GTF2A1L: variants seen among roughly 807,000 people sequenced by gnomAD.
GTF2A1L encodes the protein general transcription factor IIA subunit 1 like.
GTF2A1L carries 48 observed loss-of-function variants against 49.7 expected under a neutral mutation model. The observed-to-expected ratio is 0.97, with a 90% confidence interval of 0.77 to 1.23. The LOEUF (loss-of-function observed/expected upper bound fraction) is 1.23, where lower values mean the gene tolerates loss of function less well. Among genes scored for constraint, GTF2A1L ranks in the 50% most tolerant of loss-of-function variants. GTF2A1L has a pLI of 0.00. For missense variants in GTF2A1L, 736 were observed against 564.8 expected, an observed-to-expected ratio of 1.30 and a Z score of -3.07; for synonymous variants, 246 against 193.5, an observed-to-expected ratio of 1.27 and a Z score of -2.25.
chr2:48,641,108 C>G (rs1378596846), intron 3 of GTF2A1L, among the ~76,000 whole-genome samples: 3 of 152,086 alleles, frequency 2.0e-5, no homozygotes, highest in Non-Finnish European at 2.9e-5. Flanking sequence ...TCAAGGAATT[C>G]ATTTAATTGC....
intron 4 of GTF2A1L, among the ~76,000 whole-genome samples, chr2:48,643,557 T>C (rs560322540): frequency 6.6e-6 from 1 of 152,208 alleles, no homozygotes; most frequent in Admixed American, 6.5e-5. Context: ...ACAAATATTT[T>C]TTTTCCTGTT....
In GTF2A1L at chr2:48,654,904, T is replaced by C. The variant is rs116458389; in HGVS notation, c.978+7862T>C. 3.8e-3 allele frequency among the ~76,000 whole-genome samples: 583 copies of C among 152,340 alleles called. 3 individuals are homozygous for C. Among genetic ancestry groups the C allele is most frequent in the African/African-American group, 0.013 (532 of 41,580 alleles). On this transcript the variant is annotated intron_variant, in intron 6 of 8. Transcript: ENST00000403751. Reference sequence around the variant, plus strand: ...TGCTAGGACCACACTGTCTTGATTATGGTAAATTTATAGTAAATCAGAGAG... The same window carrying C: ...TGCTAGGACCACACTGTCTTGATTACGGTAAATTTATAGTAAATCAGAGAG...
At chr2:48,676,344 A>T in intron 8 of GTF2A1L, among the ~76,000 whole-genome samples, 1 of 151,834 alleles carries the variant, frequency 6.6e-6, no homozygotes, top group East Asian at 1.9e-4. Context: ...GTGTGCAGAT[A>T]TATCTATTAA....
intron 6 of GTF2A1L, among the ~76,000 whole-genome samples, chr2:48,667,078 C>T (rs945647250): frequency 2.0e-5 from 3 of 151,808 alleles, no homozygotes; most frequent in Non-Finnish European, 4.4e-5. Context: ...GATCTTCCTG[C>T]CTCCACCTCT....
intron 5 of GTF2A1L, among the ~76,000 whole-genome samples, chr2:48,645,556 T>A (rs1677446428): frequency 6.6e-6 from 1 of 152,210 alleles, no homozygotes; most frequent in Non-Finnish European, 1.5e-5. Flanking sequence ...CGGTTTCTGC[T>A]TTTCCGAGCA....
At chr2:48,637,230 C>T (rs1162706437) in intron 3 of GTF2A1L, among the ~76,000 whole-genome samples, 1 of 151,894 alleles carries the variant, frequency 6.6e-6, no homozygotes, top group East Asian at 1.9e-4. Flanking sequence ...TGGATTGGTT[C>T]AAAGAAGATC....
intron 8 of GTF2A1L, among the ~76,000 whole-genome samples, chr2:48,676,023 G>A (rs566994948): frequency 6.6e-6 from 1 of 151,904 alleles, no homozygotes; most frequent in African/African-American, 2.4e-5. Context: ...CTTTCTATTA[G>A]TAGCTCCTTT....
At chr2:48,656,879 A>G (rs1678210144) in intron 6 of GTF2A1L, among the ~76,000 whole-genome samples, 1 of 152,144 alleles carries the variant, frequency 6.6e-6, no homozygotes, top group South Asian at 2.1e-4. Flanking sequence ...CGTAGATGGT[A>G]TAAATTTAGG....
chr2:48,642,931 C>T (rs1433099312), intron 4 of GTF2A1L, among the ~76,000 whole-genome samples: 1 of 151,836 alleles, frequency 6.6e-6, no homozygotes, highest in Non-Finnish European at 1.5e-5. Flanking sequence ...TAATAAAACG[C>T]AGAAGTTCCA....
chr2:48,637,847 T>G (rs541159117), intron 3 of GTF2A1L, among the ~76,000 whole-genome samples: 1 of 151,438 alleles, frequency 6.6e-6, no homozygotes, highest in African/African-American at 2.4e-5. Context: ...CTGGCTAGAC[T>G]AATAAAGAGA....
chr2:48,637,553 C>T (rs1008774373), intron 3 of GTF2A1L, among the ~76,000 whole-genome samples: 1 of 151,816 alleles, frequency 6.6e-6, no homozygotes, highest in Non-Finnish European at 1.5e-5. Flanking sequence ...CGTAACATCA[C>T]AATTGAAAGA....
At chr2:48,632,201 A>C (rs866754997) in intron 3 of GTF2A1L, 10 of 152,190 alleles carry the variant, frequency 6.6e-5, no homozygotes, top group Admixed American at 6.6e-4. Flanking sequence ...CAGTCCCAGA[A>C]GTAATTCCCT....
At chr2:48,648,100 A>G (rs935649990) in intron 6 of GTF2A1L, among the ~76,000 whole-genome samples, 2 of 152,100 alleles carry the variant, frequency 1.3e-5, no homozygotes, top group Non-Finnish European at 2.9e-5. Flanking sequence ...AGAAAATGAC[A>G]ATCAGAAACT....
intron 6 of GTF2A1L, among the ~76,000 whole-genome samples, chr2:48,661,508 C>G (rs1265478679): frequency 6.6e-6 from 1 of 152,034 alleles, no homozygotes; most frequent in East Asian, 1.9e-4. Context: ...CCTGCCTCAG[C>G]TTACCAAAGT....
intron 8 of GTF2A1L, among the ~76,000 whole-genome samples, chr2:48,675,851 A>C (rs1026123742): frequency 6.6e-6 from 1 of 151,726 alleles, no homozygotes; most frequent in Non-Finnish European, 1.5e-5. Context: ...ATATATGTGT[A>C]TATATAGTCT....
chr2:48,628,680 T>C (rs569686790), intron 3 of GTF2A1L, among the ~76,000 whole-genome samples: 1 of 144,344 alleles, frequency 6.9e-6, no homozygotes, highest in East Asian at 1.9e-4. Context: ...GTTCACTCTG[T>C]TGGTAGCTTC....
chr2:48,647,727 C>G (rs1435341541), intron 6 of GTF2A1L, among the ~76,000 whole-genome samples: 1 of 151,874 alleles, frequency 6.6e-6, no homozygotes, highest in Non-Finnish European at 1.5e-5. Context: ...GTATTGAAAC[C>G]ACTAAAAATT....
intron 3 of GTF2A1L, among the ~76,000 whole-genome samples, chr2:48,622,723 A>C (rs1389564887): frequency 6.6e-6 from 1 of 151,974 alleles, no homozygotes; most frequent in Non-Finnish European, 1.5e-5. Flanking sequence ...AATCCTAGCT[A>C]CTTGGGAGGC....
At chr2:48,657,964 C>G (rs1678273454) in intron 6 of GTF2A1L, among the ~76,000 whole-genome samples, 1 of 151,926 alleles carries the variant, frequency 6.6e-6, no homozygotes, top group South Asian at 2.1e-4. Flanking sequence ...TTGATTTTTG[C>G]TTGTTGAATT....
Sources: gnomAD v4.1 joint callset for allele counts (sites outside exome capture counted in the v4.1 genomes callset) on GRCh38, gnomAD v4.1.1 for gene constraint, MANE v1.5 for transcripts, NCBI Gene and HGNC (gene_info 2026-07-23, HGNC 2026-07-21) for gene names.